Variants in RGS9 observed in about 807,000 individuals in gnomAD.
RGS9 encodes regulator of G protein signaling 9, also known as regulator of G-protein signalling 9.
RGS9 carries 78 observed loss-of-function variants against 102.0 expected under a neutral mutation model. The ratio of observed to expected loss-of-function variants is 0.76; its 90% CI spans 0.64 to 0.92. The LOEUF (loss-of-function observed/expected upper bound fraction) is 0.92, where lower values mean the gene tolerates loss of function less well. Ranked by LOEUF, RGS9 falls within the 40% of genes least tolerant of loss-of-function variation. RGS9 has a pLI of 0.00. For missense variants in RGS9, 833 were observed against 866.1 expected, an observed-to-expected ratio of 0.96 and a Z score of 0.48; for synonymous variants, 353 against 318.6, an observed-to-expected ratio of 1.11 and a Z score of -1.15.
At chr17:65,149,600 A>T (rs904432616) in intron 1 of RGS9, among the ~76,000 whole-genome samples, 1 of 152,184 alleles carries the variant, frequency 6.6e-6, no homozygotes, top group Non-Finnish European at 1.5e-5. Context: ...GCAAAGTTTC[A>T]AAATGTATTA....
chr17:65,167,637 T>A (rs1911242445), intron 7 of RGS9, among the ~76,000 whole-genome samples: 1 of 152,182 alleles, frequency 6.6e-6, no homozygotes, highest in Non-Finnish European at 1.5e-5. Flanking sequence ...CTTGTCACCA[T>A]CCCACAGGGG....
chr17:65,186,136 C>G (rs905470443), intron 9 of RGS9, among the ~76,000 whole-genome samples: 1 of 151,868 alleles, frequency 6.6e-6, no homozygotes, highest in African/African-American at 2.4e-5. Flanking sequence ...TCTTGCGTTA[C>G]GGCTCTAGTT....
At chr17:65,184,788 TTC>T (rs1242601418) in intron 9 of RGS9, among the ~76,000 whole-genome samples, 1 of 119,458 alleles carries the variant, frequency 8.4e-6, no homozygotes, top group African/African-American at 5.4e-5. Context: ...TTCTTTCTCT[TTC>T]TCTTTCTTTC....
intron 15 of RGS9, among the ~76,000 whole-genome samples, chr17:65,207,110 T>G (rs1435972828): frequency 6.6e-6 from 1 of 152,216 alleles, no homozygotes; most frequent in Non-Finnish European, 1.5e-5. Context: ...GCCCCATAAC[T>G]GGACTCTACG....
At chr17:65,199,488 C>CTTTTTT (rs3034101) in intron 13 of RGS9, among the ~76,000 whole-genome samples, 23 of 108,316 alleles carry the variant, frequency 2.1e-4, no homozygotes, top group South Asian at 3.0e-4. Context: ...GCTTCTGTTC[C>CTTTTTT]TTTTTTTTTT....
intron 1 of RGS9, among the ~76,000 whole-genome samples, chr17:65,140,419 A>T (rs1375904929): frequency 6.6e-6 from 1 of 152,138 alleles, no homozygotes. Flanking sequence ...TCTGTAATGG[A>T]TGGATTTTGA....
At position 65,202,408 on chromosome 17, in the gene RGS9, G is replaced by GGTGTGTGT. The variant is rs746368093; in HGVS notation, c.1064+358_1064+365dup. On this transcript the variant is annotated intron_variant, in intron 14 of 18. Transcript: ENST00000262406. ...TAAAGCCTTCTTAGGTGTCCTGAGGGGTGTGTGTGTGTGTGTGTGTGTGTG... is the reference window on the plus strand; with the variant it reads ...TAAAGCCTTCTTAGGTGTCCTGAGGGGTGTGTGTGTGTGTGTGTGTGTGTGTGTGTGTG... 5.4e-3 allele frequency among the ~76,000 whole-genome samples: 718 copies of GGTGTGTGT among 132,256 alleles called. 10 individuals are homozygous for GGTGTGTGT. Among genetic ancestry groups the GGTGTGTGT allele is most frequent in the East Asian group, 0.018 (87 of 4,810 alleles). The allele number at this position is 132,256 out of a possible 152,430, so 86.8% of individuals were successfully genotyped here.
chr17:65,162,562 A>G lies in RGS9; in HGVS notation c.424-451A>G, dbSNP rs575471770. ...ACTGCAAGCTCTGCCTCCCAGGTTC[A>G]TGCCATTCTCCTGCCTCAGCCTCCC... On this transcript the variant is annotated intron_variant, in intron 6 of 18. Transcript: ENST00000262406. Among the ~76,000 whole-genome samples the G allele has an allele frequency of 7.6e-4, 116 of 152,088 alleles. 1 individual carries two copies. Among genetic ancestry groups the G allele is most frequent in the African/African-American group, 2.7e-3 (112 of 41,492 alleles).
intron 1 of RGS9, among the ~76,000 whole-genome samples, chr17:65,152,532 C>A (rs1251634547): frequency 6.6e-6 from 1 of 152,084 alleles, no homozygotes; most frequent in Non-Finnish European, 1.5e-5. Flanking sequence ...GCTGTCATTT[C>A]TTTTCTTTTT....
chr17:65,217,132 A>G (rs1913548835), intron 17 of RGS9, among the ~76,000 whole-genome samples: 1 of 152,168 alleles, frequency 6.6e-6, no homozygotes. Flanking sequence ...GGTGGCCAGC[A>G]GCGTTGAGCA....
intron 17 of RGS9, among the ~76,000 whole-genome samples, chr17:65,223,581 G>T (rs1905459971): frequency 6.6e-6 from 1 of 152,246 alleles, no homozygotes; most frequent in Non-Finnish European, 1.5e-5. Flanking sequence ...AGGGACCAGG[G>T]CTACCTCCTT....
chr17:65,149,142 G>T lies in RGS9; in HGVS notation c.58-4280G>T, dbSNP rs368139613. On this transcript the variant is annotated intron_variant, in intron 1 of 18. Transcript: ENST00000262406. ...ATGCCCGGCTAGTTTTTTTTTTGTTGTTGTTATGTTTAATAGAAACGAGGT... is the reference window on the plus strand; with the variant it reads ...ATGCCCGGCTAGTTTTTTTTTTGTTTTTGTTATGTTTAATAGAAACGAGGT... Among the ~76,000 whole-genome samples the T allele has an allele frequency of 9.6e-3, 1,352 of 140,200 alleles. 28 individuals carry two copies. The highest frequency in any genetic ancestry group is 0.033 in the African/African-American group (1,196 of 35,814). The allele number at this position is 140,200 out of a possible 152,430, so 92.0% of individuals were successfully genotyped here. A position where few individuals can be genotyped will look rare whatever the true frequency, so the allele number is the denominator to read the frequency against.
intron 17 of RGS9, among the ~76,000 whole-genome samples, chr17:65,211,637 C>CTCGAAGTTAGG (rs1913305975): frequency 1.3e-5 from 2 of 152,112 alleles, no homozygotes; most frequent in South Asian, 4.1e-4. Context: ...GAAGGTCATT[C>CTCGAAGTTAGG]TCGAAGTTAG....
chr17:65,152,442 T>C (rs1329608010), intron 1 of RGS9, among the ~76,000 whole-genome samples: 1 of 152,002 alleles, frequency 6.6e-6, no homozygotes, highest in Non-Finnish European at 1.5e-5. Context: ...CGCAGAAGAG[T>C]GACATATTCT....
intron 7 of RGS9, 120 bp from the exon 8 acceptor site, chr17:65,168,080 G>A (rs372213122): frequency 1.2e-4 from 83 of 688,136 alleles, no homozygotes; most frequent in Admixed American, 7.3e-4. Flanking sequence ...TTACTATTAC[G>A]GTATATGTGA....
chr17:65,175,124 AGTGT>A (rs981151397), intron 8 of RGS9, among the ~76,000 whole-genome samples: 3 of 150,754 alleles, frequency 2.0e-5, no homozygotes, highest in East Asian at 3.9e-4. Context: ...TGTGTATGTG[AGTGT>A]GTGTGAGTGT....
intron 9 of RGS9, among the ~76,000 whole-genome samples, chr17:65,179,752 C>T (rs990021648): frequency 1.3e-5 from 2 of 151,380 alleles, no homozygotes; most frequent in East Asian, 1.9e-4. Context: ...GCTGCTCCAT[C>T]CTGGGGGTGA....
intron 15 of RGS9, among the ~76,000 whole-genome samples, chr17:65,205,875 G>C (rs1453955071): frequency 6.6e-6 from 1 of 151,798 alleles, no homozygotes; most frequent in Non-Finnish European, 1.5e-5. Flanking sequence ...TGTGGTATCA[G>C]TTATGTGATA....
At chr17:65,164,479 C>A (rs1567867212) in intron 7 of RGS9, among the ~76,000 whole-genome samples, 1 of 152,134 alleles carries the variant, frequency 6.6e-6, no homozygotes, top group Non-Finnish European at 1.5e-5. Flanking sequence ...GATGATCCCC[C>A]CAGTCCAGCC....
Sources: gnomAD v4.1 joint callset for allele counts (sites outside exome capture counted in the v4.1 genomes callset) on GRCh38, gnomAD v4.1.1 for gene constraint, MANE v1.5 for transcripts, NCBI Gene and HGNC (gene_info 2026-07-23, HGNC 2026-07-21) for gene names.